Variants in LRRC4C observed in about 807,000 individuals in gnomAD.
The protein encoded by LRRC4C is leucine rich repeat containing 4C, also known as leucine-rich repeat-containing protein 4C.
A neutral mutation model predicts 33.6 loss-of-function variants in LRRC4C; 5 were observed. The ratio of observed to expected loss-of-function variants is 0.15; its 90% CI spans 0.08 to 0.31. The LOEUF (loss-of-function observed/expected upper bound fraction) is 0.31. Among genes scored for constraint, LRRC4C ranks in the 10% least tolerant of loss-of-function variants. The probability of loss-of-function intolerance (pLI) is 1.00; values close to 1 mark genes in which losing one functional copy is unlikely to be tolerated. For synonymous variants in LRRC4C, 329 were observed against 302.0 expected (o/e 1.09, Z -0.93); for missense variants, 560 against 796.7 (o/e 0.70, Z 3.58).
At chr11:40,210,782 T>C (rs1466855605) in intron 5 of LRRC4C, among the ~76,000 whole-genome samples, 2 of 152,158 alleles carry the variant, frequency 1.3e-5, no homozygotes, top group Non-Finnish European at 2.9e-5. Context: ...CAACTTTTTC[T>C]TTTCTTTTGA....
chr11:41,184,449 G>A (rs1238398979), intron 1 of LRRC4C, among the ~76,000 whole-genome samples: 1 of 151,966 alleles, frequency 6.6e-6, no homozygotes, highest in Non-Finnish European at 1.5e-5. Flanking sequence ...AAATCTCTAG[G>A]GCAGGGGCTA....
intron 3 of LRRC4C, among the ~76,000 whole-genome samples, chr11:40,465,603 G>GA (rs112671030): frequency 2.8e-4 from 42 of 149,878 alleles, no homozygotes; most frequent in Non-Finnish European, 4.9e-4. Context: ...AACTAAACAA[G>GA]AAAAAAAAAT....
chr11:41,409,135 C>T (rs1276385546), intron 1 of LRRC4C, among the ~76,000 whole-genome samples: 2 of 152,132 alleles, frequency 1.3e-5, no homozygotes, highest in African/African-American at 4.8e-5. Flanking sequence ...TGCACTTGTT[C>T]ATTTTCTAGA....
At chr11:40,597,883 A>T (rs975592375) in intron 3 of LRRC4C, among the ~76,000 whole-genome samples, 1 of 152,214 alleles carries the variant, frequency 6.6e-6, no homozygotes, top group Non-Finnish European at 1.5e-5. Context: ...AATAGTTTGC[A>T]TAATATTTTT....
At chr11:41,264,183 C>T in intron 1 of LRRC4C, among the ~76,000 whole-genome samples, 1 of 151,610 alleles carries the variant, frequency 6.6e-6, no homozygotes, top group Admixed American at 6.6e-5. Context: ...CCTCCGCCTC[C>T]TGGGTTCAGG....
At chr11:40,656,212 T>G (rs971513556) in intron 2 of LRRC4C, among the ~76,000 whole-genome samples, 1 of 147,038 alleles carries the variant, frequency 6.8e-6, no homozygotes, top group Non-Finnish European at 1.5e-5. Flanking sequence ...GATTCCGTAC[T>G]GTTTTTCTTT....
chr11:40,627,816 C>A (rs74631847), intron 3 of LRRC4C, among the ~76,000 whole-genome samples: 5,731 of 152,218 alleles, frequency 0.038, 348 homozygotes, highest in African/African-American at 0.13. Context: ...CAGATTTTAA[C>A]CCCCATCAAG....
intron 2 of LRRC4C, among the ~76,000 whole-genome samples, chr11:40,806,813 A>T (rs1951271070): frequency 6.6e-6 from 1 of 152,160 alleles, no homozygotes; most frequent in African/African-American, 2.4e-5. Context: ...AAAACATACC[A>T]CTATGCAGGC....
intron 2 of LRRC4C, among the ~76,000 whole-genome samples, chr11:40,864,008 G>A (rs984802247): frequency 1.3e-5 from 2 of 151,838 alleles, no homozygotes; most frequent in Non-Finnish European, 2.9e-5. Context: ...TAATTATATT[G>A]ATGGCAAAAT....
In LRRC4C at chr11:41,360,600, C is replaced by T. The variant is rs12284733; in HGVS notation, c.-496+98831G>A. Among the ~76,000 whole-genome samples the T allele has an allele frequency of 2.5e-3, 374 of 152,024 alleles. 3 individuals carry two copies. The highest frequency in any genetic ancestry group is 8.7e-3 in the African/African-American group (359 of 41,442). Reference sequence around the variant, plus strand: ...TTCCTTGAAGAAGTTATGCTTAAGTCGAGATTGGATGAATGGAAGGAGTTA... The same window carrying T: ...TTCCTTGAAGAAGTTATGCTTAAGTTGAGATTGGATGAATGGAAGGAGTTA... On this transcript the variant is annotated intron_variant, in intron 1 of 6. Coordinates refer to ENST00000528697, the MANE Select transcript of LRRC4C (RefSeq NM_001258419.2).
intron 1 of LRRC4C, among the ~76,000 whole-genome samples, chr11:41,244,197 C>G (rs543748878): frequency 6.8e-6 from 1 of 147,640 alleles, no homozygotes; most frequent in Admixed American, 6.8e-5. Flanking sequence ...ATCTATCGAT[C>G]GTAAAAAGAA....
chr11:40,465,641 T>C (rs1451340155), intron 3 of LRRC4C, among the ~76,000 whole-genome samples: 3 of 151,860 alleles, frequency 2.0e-5, no homozygotes, highest in South Asian at 2.1e-4. Flanking sequence ...GGCAAAGTAC[T>C]GGAGCAGACA....
At chr11:41,280,192 G>C (rs978736938) in intron 1 of LRRC4C, among the ~76,000 whole-genome samples, 5 of 152,128 alleles carry the variant, frequency 3.3e-5, no homozygotes, top group Non-Finnish European at 7.4e-5. Flanking sequence ...AATGCCTAAA[G>C]AAACAACAGT....
chr11:40,672,451 A>G (rs765299825), intron 2 of LRRC4C, among the ~76,000 whole-genome samples: 2 of 152,190 alleles, frequency 1.3e-5, no homozygotes, highest in African/African-American at 2.4e-5. Context: ...TGAGAAAGTT[A>G]ATAACAGCTA....
chr11:40,907,592 G>A (rs775999380), intron 2 of LRRC4C, among the ~76,000 whole-genome samples: 3 of 152,136 alleles, frequency 2.0e-5, no homozygotes, highest in Non-Finnish European at 4.4e-5. Flanking sequence ...AAAGAAGCTT[G>A]GTGACAAGAC....
chr11:41,377,080 G>T (rs1422089057), intron 1 of LRRC4C, among the ~76,000 whole-genome samples: 1 of 152,154 alleles, frequency 6.6e-6, no homozygotes, highest in Non-Finnish European at 1.5e-5. Context: ...GATATATGCA[G>T]TTATCCAGGG....
chr11:41,007,188 G>A (rs914818036), intron 1 of LRRC4C, among the ~76,000 whole-genome samples: 1 of 151,558 alleles, frequency 6.6e-6, no homozygotes, highest in Non-Finnish European at 1.5e-5. Flanking sequence ...TTTATATTAC[G>A]TTCCATCGAG....
chr11:40,853,223 C>G (rs887560317), intron 2 of LRRC4C, among the ~76,000 whole-genome samples: 16 of 151,962 alleles, frequency 1.1e-4, no homozygotes, highest in Non-Finnish European at 2.1e-4. Context: ...AAATAAATGA[C>G]TACATTACTG....
chr11:41,078,470 G>A (rs761877407), intron 1 of LRRC4C, among the ~76,000 whole-genome samples: 2 of 152,152 alleles, frequency 1.3e-5, no homozygotes, highest in African/African-American at 2.4e-5. Flanking sequence ...GGCTTAACAA[G>A]AAGCAGGACT....
Sources: allele counts gnomAD v4.1 joint callset (sites outside exome capture counted in the v4.1 genomes callset), GRCh38; gene constraint gnomAD v4.1.1; transcripts MANE v1.5; gene names NCBI Gene and HGNC (gene_info 2026-07-23, HGNC 2026-07-21).